SCN9A: variants seen among roughly 807,000 people sequenced by gnomAD.
The protein encoded by SCN9A is sodium voltage-gated channel alpha subunit 9.
Under a neutral mutation model 187.0 loss-of-function variants are expected in SCN9A, and 131 were observed. The observed-to-expected ratio is 0.70, with a 90% CI of 0.61 to 0.81. The LOEUF (loss-of-function observed/expected upper bound fraction) is 0.81. Ranked by LOEUF, SCN9A falls within the 30% of genes least tolerant of loss-of-function variation. The pLI is 0.00. For synonymous variants in SCN9A, 809 were observed against 808.6 expected (o/e 1.00, Z -0.01); for missense variants, 2,252 against 2,396.6 (o/e 0.94, Z 1.26).
At chr2:166,263,738 G>A (rs1331920952) in intron 17 of SCN9A, among the ~76,000 whole-genome samples, 2 of 152,106 alleles carry the variant, frequency 1.3e-5, no homozygotes, top group South Asian at 2.1e-4. Flanking sequence ...GTCATTGTGT[G>A]GGTCCAAATC....
At chr2:166,355,349 T>G (rs1473691091) in intron 1 of SCN9A, among the ~76,000 whole-genome samples, 1 of 152,142 alleles carries the variant, frequency 6.6e-6, no homozygotes, top group East Asian at 1.9e-4. Flanking sequence ...ATGTTAAGTA[T>G]AGTCATTTAA....
chr2:166,219,179 G>A (rs912758454), intron 24 of SCN9A, among the ~76,000 whole-genome samples: 10 of 152,062 alleles, frequency 6.6e-5, no homozygotes, highest in Non-Finnish European at 1.5e-4. Flanking sequence ...AAGACCTAAA[G>A]ACAGAAATGC....
chr2:166,222,704 G>A (rs562410528), intron 24 of SCN9A, among the ~76,000 whole-genome samples: 5 of 143,124 alleles, frequency 3.5e-5, no homozygotes, highest in South Asian at 4.3e-4. Flanking sequence ...AGGCCGAGAC[G>A]GGCGGATCAC....
chr2:166,257,782 A>G (rs980682854), intron 17 of SCN9A, among the ~76,000 whole-genome samples: 5 of 151,572 alleles, frequency 3.3e-5, no homozygotes, highest in Admixed American at 2.0e-4. Flanking sequence ...CTATACCTAT[A>G]TAGATAATAT....
At chr2:166,321,251 G>A (rs1198135763) in intron 1 of SCN9A, among the ~76,000 whole-genome samples, 4 of 152,172 alleles carry the variant, frequency 2.6e-5, no homozygotes, top group African/African-American at 9.7e-5. Flanking sequence ...CAGGCACAGT[G>A]GCTCGTGCCT....
chr2:166,365,873 G>A (rs1471190885), intron 1 of SCN9A, among the ~76,000 whole-genome samples: 1 of 152,130 alleles, frequency 6.6e-6, no homozygotes, highest in Non-Finnish European at 1.5e-5. Flanking sequence ...ACATCTCCAT[G>A]TGTTGTTCAT....
chr2:166,203,578 T>C (rs1693648235), intron 26 of SCN9A, among the ~76,000 whole-genome samples: 1 of 151,938 alleles, frequency 6.6e-6, no homozygotes, highest in South Asian at 2.1e-4. Flanking sequence ...ATTAATATTA[T>C]CATTAATCAA....
intron 24 of SCN9A, among the ~76,000 whole-genome samples, chr2:166,207,337 C>T (rs1489678464): frequency 6.6e-6 from 1 of 151,884 alleles, no homozygotes; most frequent in African/African-American, 2.4e-5. Flanking sequence ...TAATTGTTTG[C>T]TATTGAATGG....
chr2:166,358,413 G>C (rs1485251371), intron 1 of SCN9A, among the ~76,000 whole-genome samples: 4 of 151,950 alleles, frequency 2.6e-5, no homozygotes, highest in African/African-American at 4.8e-5. Flanking sequence ...ATTTTCTTTT[G>C]TGAGTGAGGT....
intron 17 of SCN9A, among the ~76,000 whole-genome samples, chr2:166,254,951 T>G (rs998608283): frequency 2.6e-5 from 4 of 151,484 alleles, no homozygotes; most frequent in Non-Finnish European, 5.9e-5. Flanking sequence ...TTGAATAATA[T>G]GATATTGACT....
chr2:166,274,217 T>C (rs1408590689), intron 16 of SCN9A, among the ~76,000 whole-genome samples: 1 of 152,172 alleles, frequency 6.6e-6, no homozygotes, highest in Non-Finnish European at 1.5e-5. Flanking sequence ...GTGACAACTT[T>C]CTTTCCTTCA....
chr2:166,289,861 T>C (rs190483978), intron 9 of SCN9A, among the ~76,000 whole-genome samples: 13 of 152,310 alleles, frequency 8.5e-5, no homozygotes, highest in African/African-American at 2.4e-4. Flanking sequence ...TGGTATCTCA[T>C]TGTGGTTTTG....
At chr2:166,209,630 T>C (rs1200550959) in intron 24 of SCN9A, among the ~76,000 whole-genome samples, 3 of 138,354 alleles carry the variant, frequency 2.2e-5, no homozygotes, top group Admixed American at 7.3e-5. Context: ...AACAACCCCA[T>C]CAAAAACTGG....
chr2:166,281,615 G>T, intron 13 of SCN9A, 64 bp downstream of exon 13: 5 of 1,494,364 alleles, frequency 3.3e-6, no homozygotes, highest in Non-Finnish European at 4.6e-6. Flanking sequence ...GCCTATTTAA[G>T]GTTGACCAGA....
intron 1 of SCN9A, among the ~76,000 whole-genome samples, chr2:166,355,883 C>T (rs1021362238): frequency 7.2e-5 from 11 of 151,852 alleles, no homozygotes; most frequent in African/African-American, 2.4e-4. Context: ...AGTGATTCTC[C>T]TGCCTCAGCC....
chr2:166,319,725 C>A (rs1003979314), intron 1 of SCN9A, among the ~76,000 whole-genome samples: 1 of 152,012 alleles, frequency 6.6e-6, no homozygotes, highest in African/African-American at 2.4e-5. Context: ...AATTATAGAA[C>A]TTTATTTACA....
chr2:166,274,699 T>C (rs1697153065), intron 16 of SCN9A, among the ~76,000 whole-genome samples: 1 of 152,104 alleles, frequency 6.6e-6, no homozygotes, highest in South Asian at 2.1e-4. Flanking sequence ...AGAATAATAA[T>C]ATGAGTTAGT....
At chr2:166,346,196 C>A (rs747176695) in intron 1 of SCN9A, among the ~76,000 whole-genome samples, 7 of 152,110 alleles carry the variant, frequency 4.6e-5, no homozygotes, top group Non-Finnish European at 7.4e-5. Context: ...TTTCCCCTGC[C>A]TTAATCAATT....
intron 7 of SCN9A, 21 bp downstream of exon 7, chr2:166,303,069 C>T (rs1440783429): frequency 6.6e-7 from 1 of 1,505,516 alleles, no homozygotes; most frequent in African/African-American, 1.4e-5. Flanking sequence ...AACCTAATAA[C>T]AAATGCAAGG....
Sources: allele counts gnomAD v4.1 joint callset (sites outside exome capture counted in the v4.1 genomes callset), GRCh38; gene constraint gnomAD v4.1.1; transcripts MANE v1.5; gene names NCBI Gene and HGNC (gene_info 2026-07-23, HGNC 2026-07-21).